Variants in HCFC2 observed in about 807,000 individuals in gnomAD.
HCFC2 encodes the protein host cell factor C2.
A neutral mutation model predicts 89.2 loss-of-function variants in HCFC2; 18 were observed. That is an observed-to-expected ratio of 0.20 (90% CI 0.14 to 0.30). HCFC2 has a LOEUF of 0.30. Ranked by LOEUF, HCFC2 falls within the 10% of genes least tolerant of loss-of-function variation. The pLI is 1.00. For synonymous variants in HCFC2, 308 were observed against 335.7 expected (o/e 0.92, Z 0.90); for missense variants, 578 against 956.1 (o/e 0.60, Z 5.21).
At chr12:104,083,687 C>T (rs775888874) in intron 7 of HCFC2, among the ~76,000 whole-genome samples, 37 of 152,154 alleles carry the variant, frequency 2.4e-4, no homozygotes, top group Non-Finnish European at 5.0e-4. Flanking sequence ...ATCTTTGCAA[C>T]TTTTCTGTAA....
chr12:104,064,662 G>A lies in HCFC2; in HGVS notation c.102G>A (p.Leu34=), dbSNP rs972071067. ...HGHRAVAIRE[L]MIIFGGGNEG... ...ACCGAGCGGTGGCCATCCGGGAGCT[G>A]ATGATCATCTTTGGAGGGGGAAATG... is the stretch of plus-strand genomic sequence containing the variant. Residue 34 remains leucine (L), a synonymous_variant, in exon 1 of 15, where the codon CTG becomes CTA. Coordinates refer to ENST00000229330, the MANE Select transcript of HCFC2 (RefSeq NM_013320.3). The surrounding 1 kb of genome is among the most constrained non-coding windows in gnomAD (Gnocchi z 7.3). The A allele has an allele frequency of 1.3e-6, 2 of 1,582,038 alleles. No individual in the cohort carries two copies. The highest frequency in any genetic ancestry group is 2.8e-5 in the African/African-American group (2 of 71,686).
At chr12:104,101,400 G>A (rs911238636) in intron 13 of HCFC2, among the ~76,000 whole-genome samples, 7 of 151,748 alleles carry the variant, frequency 4.6e-5, no homozygotes, top group Admixed American at 6.6e-5. Flanking sequence ...CAGGAGAATC[G>A]CTTGAACCCG....
In HCFC2 at chr12:104,093,375, A is replaced by G. The variant is rs1453632451; in HGVS notation, c.1285-11A>G. 1.3e-6 allele frequency: 2 copies of G among 1,594,008 alleles called. No individual in the cohort carries two copies. Among genetic ancestry groups the G allele is most frequent in the Admixed American group, 1.8e-5 (1 of 56,842 alleles). ...ATTGCTTACTACAGTAATCTGTTAT[A>G]TTTCTTGTAGATCAATGATACAATA... On this transcript the variant is annotated splice_polypyrimidine_tract_variant and intron_variant, in intron 9 of 14. Coordinates refer to ENST00000229330, the MANE Select transcript of HCFC2 (RefSeq NM_013320.3).
chr12:104,064,785 A>T lies in HCFC2; in HGVS notation c.163+62A>T, dbSNP rs1222417203. The T allele has an allele frequency of 6.8e-7, 1 of 1,465,846 alleles. No homozygotes were observed. The highest frequency in any genetic ancestry group is 9.1e-7 in the Non-Finnish European group (1 of 1,103,830). 90.8% of individuals were successfully genotyped at this position (1,465,846 alleles called of 1,614,324 possible). A position where few individuals can be genotyped will look rare whatever the true frequency, so the allele number is the denominator to read the frequency against. On this transcript the variant is annotated intron_variant, in intron 1 of 14. Transcript: ENST00000229330. The surrounding 1 kb of genome is among the most constrained non-coding windows in gnomAD (Gnocchi z 7.3). ...GAGCTGCGGAGGGGGAGGGGAGGCG[A>T]GGCGGCGGCCGCGGCCCTGACAGCT...
chr12:104,102,952 C>T lies in HCFC2; in HGVS notation c.2065-7C>T, dbSNP rs770461805. The T allele has an allele frequency of 1.3e-6, 2 of 1,594,900 alleles. No homozygotes were observed. The highest frequency in any genetic ancestry group is 2.3e-5 in the East Asian group (1 of 44,354). On this transcript the variant is annotated splice_polypyrimidine_tract_variant and splice_region_variant and intron_variant, in intron 14 of 14. Transcript: ENST00000229330. ...CCTTTAACCTGTTTTTTCCCCCCCC[C>T]TTCAAGAATGTTGAAGGTATCCACC... is the stretch of plus-strand genomic sequence containing the variant.
chr12:104,089,922 T>A (rs1232916739), intron 9 of HCFC2, among the ~76,000 whole-genome samples: 1 of 152,134 alleles, frequency 6.6e-6, no homozygotes, highest in African/African-American at 2.4e-5. Context: ...GTTTCTTTTT[T>A]CCCCCCTTGG....
At chr12:104,090,287 T>A (rs1883986710) in intron 9 of HCFC2, among the ~76,000 whole-genome samples, 1 of 152,188 alleles carries the variant, frequency 6.6e-6, no homozygotes, top group Non-Finnish European at 1.5e-5. Flanking sequence ...TAGCATTCGG[T>A]GTTGGTATTG....
chr12:104,075,079 G>A (rs1023536785), intron 3 of HCFC2, among the ~76,000 whole-genome samples: 3 of 151,720 alleles, frequency 2.0e-5, no homozygotes, highest in Non-Finnish European at 4.4e-5. Context: ...AGACAGCCAG[G>A]TGTGGTGGTA....
intron 2 of HCFC2, among the ~76,000 whole-genome samples, chr12:104,066,997 A>C (rs1198267377): frequency 6.6e-6 from 1 of 152,216 alleles, no homozygotes; most frequent in Admixed American, 6.5e-5. Flanking sequence ...CATGTTGGCC[A>C]GGCTGGTCTT....
chr12:104,077,036 A>G (rs1040674175), intron 3 of HCFC2, among the ~76,000 whole-genome samples: 34 of 152,020 alleles, frequency 2.2e-4, no homozygotes, highest in African/African-American at 8.2e-4. Context: ...ATATGTTTGT[A>G]TAATTTTTAT....
At chr12:104,090,934 C>A (rs1277609196) in intron 9 of HCFC2, 1 of 152,066 alleles carries the variant, frequency 6.6e-6, no homozygotes, top group Non-Finnish European at 1.5e-5. Context: ...GGGCGGGGAC[C>A]AACAAATGTA....
At chr12:104,092,786 T>C (rs898534588) in intron 9 of HCFC2, among the ~76,000 whole-genome samples, 2 of 152,014 alleles carry the variant, frequency 1.3e-5, no homozygotes, top group African/African-American at 2.4e-5. Flanking sequence ...AAAATAATAA[T>C]AGTAGTAATA....
At chr12:104,072,724 G>C (rs943157844) in intron 3 of HCFC2, among the ~76,000 whole-genome samples, 1 of 151,386 alleles carries the variant, frequency 6.6e-6, no homozygotes, top group African/African-American at 2.4e-5. Flanking sequence ...CTCACTGCAA[G>C]CTCCGCCTCC....
chr12:104,080,937 TAAC>T, intron 5 of HCFC2, 107 bp downstream of exon 5: 1 of 673,874 alleles, frequency 1.5e-6, no homozygotes, highest in Non-Finnish European at 2.5e-6. Flanking sequence ...TTATGAAACT[TAAC>T]AAAGTTTGAT....
chr12:104,066,899 T>C (rs1178818701), intron 2 of HCFC2, among the ~76,000 whole-genome samples: 2 of 152,236 alleles, frequency 1.3e-5, no homozygotes, highest in Non-Finnish European at 2.9e-5. Flanking sequence ...GCAATTCTCC[T>C]GCCTCAGCCT....
chr12:104,073,745 T>A (rs550325979), intron 3 of HCFC2, among the ~76,000 whole-genome samples: 4 of 152,346 alleles, frequency 2.6e-5, no homozygotes, highest in African/African-American at 9.6e-5. Flanking sequence ...AAGCCATGTT[T>A]TCTATTGGTT....
intron 4 of HCFC2, 88 bp from the exon 5 acceptor site, chr12:104,080,658 G>A: frequency 1.4e-6 from 1 of 732,134 alleles, no homozygotes; most frequent in Non-Finnish European, 2.2e-6. Context: ...ATTTTGGTAA[G>A]TCCTTGTTTT....
Position 104,064,917 on chromosome 12 carries a change from G to T in HCFC2, c.163+194G>T, listed in dbSNP as rs1883020235. On this transcript the variant is annotated intron_variant, in intron 1 of 14. Transcript: ENST00000229330. This position sits in a 1 kb window ranked among gnomAD's most constrained non-coding sequence, Gnocchi z 7.3. Reference sequence around the variant, plus strand: ...CCGGACCGCAGCTCAGGATCTCCGGGGCCCTTGGGGCGCAACGGACCCCGA... The same window carrying T: ...CCGGACCGCAGCTCAGGATCTCCGGTGCCCTTGGGGCGCAACGGACCCCGA... 2.3e-6 allele frequency: 1 copy of T among 435,734 alleles called. No individual in the cohort carries two copies. The highest frequency in any genetic ancestry group is 3.8e-5 in the East Asian group (1 of 26,124). The allele number at this position is 435,734 out of a possible 1,614,324, so 27.0% of individuals were successfully genotyped here.
At chr12:104,073,120 A>G (rs141770374) in intron 3 of HCFC2, among the ~76,000 whole-genome samples, 1 of 149,832 alleles carries the variant, frequency 6.7e-6, no homozygotes, top group East Asian at 1.9e-4. Context: ...CTTTACATAT[A>G]TATATTTTTA....
Sources: allele counts gnomAD v4.1 joint callset (sites outside exome capture counted in the v4.1 genomes callset), GRCh38; gene constraint gnomAD v4.1.1; non-coding constraint Gnocchi (gnomAD v3.1); transcripts MANE v1.5; gene names NCBI Gene and HGNC (gene_info 2026-07-23, HGNC 2026-07-21).